BANK1: variants seen among roughly 807,000 people sequenced by gnomAD.
BANK1 encodes the protein B cell scaffold protein with ankyrin repeats 1, also known as B-cell scaffold protein with ankyrin repeats.
BANK1 carries 95 observed loss-of-function variants against 94.5 expected under a neutral mutation model. That is an observed-to-expected ratio of 1.00 (90% confidence interval 0.85 to 1.19). The LOEUF is 1.19. Ranked by LOEUF, BANK1 falls within the 50% of genes most tolerant of loss-of-function variation. The pLI is 0.00. For synonymous variants in BANK1, 334 were observed against 308.4 expected (o/e 1.08, Z -0.87); for missense variants, 987 against 932.2 (o/e 1.06, Z -0.77).
At chr4:102,044,889 T>G in intron 11 of BANK1, among the ~76,000 whole-genome samples, 1 of 128,664 alleles carries the variant, frequency 7.8e-6, no homozygotes, top group African/African-American at 3.0e-5. Context: ...GTTTGTTTTT[T>G]TCTTGTAAAT....
chr4:101,840,363 T>A (rs1307045672), intron 2 of BANK1, among the ~76,000 whole-genome samples: 4 of 152,190 alleles, frequency 2.6e-5, no homozygotes, highest in Non-Finnish European at 4.4e-5. Flanking sequence ...GAAAAAAATA[T>A]ATTTTTGTTG....
At chr4:102,010,492 CA>C (rs1726473014) in intron 7 of BANK1, among the ~76,000 whole-genome samples, 1 of 150,264 alleles carries the variant, frequency 6.7e-6, no homozygotes, top group Admixed American at 6.6e-5. Flanking sequence ...TCCCGGGTTC[CA>C]GCAACTCTCC....
At position 101,876,841 on chromosome 4, in the gene BANK1, A is replaced by G. The variant is rs566664267; in HGVS notation, c.903+6197A>G. On this transcript the variant is annotated intron_variant, in intron 5 of 16. Coordinates refer to ENST00000322953, the MANE Select transcript of BANK1 (RefSeq NM_017935.5). ...AAGAATTCTGTCAGAGAAATTTAAT[A>G]AATAGATTCAAATAATGAAAAAGAG... Among the ~76,000 whole-genome samples the G allele has an allele frequency of 3.9e-5, 6 of 152,282 alleles. No individual in the cohort carries two copies. In the East Asian group the frequency reaches 1.2e-3, roughly 29 times the overall value.
At position 101,830,167 on chromosome 4, in the gene BANK1, G is replaced by T. The variant is rs1238603548; in HGVS notation, c.430G>T (p.Glu144Ter). Reference protein sequence around the residue: ...RWEISTEQEPEDYISVIQSII... With the variant: ...RWEISTEQEP ...GGAGATCTCAACTGAACAGGAACCT[G>T]AAGACTACATCTCTGTAATCCAGAG... Residue 144 changes from glutamate (E) to a stop codon, truncating the protein, a stop_gained, in exon 2 of 17, where the codon GAA becomes TAA. Transcript: ENST00000322953. LOFTEE classifies it high-confidence loss of function. 6 of 1,591,898 alleles carry T rather than the reference G, an allele frequency of 3.8e-6. No homozygotes were observed. The highest frequency in any genetic ancestry group is 5.1e-6 in the Non-Finnish European group (6 of 1,172,374).
chr4:101,862,573 T>A lies in BANK1; in HGVS notation c.672T>A (p.Asp224Glu). 6.2e-7 allele frequency: 1 copy of A among 1,610,836 alleles called. No homozygotes were observed. The highest frequency in any genetic ancestry group is 8.5e-7 in the Non-Finnish European group (1 of 1,178,036). The change falls in exon 4 of 17, where the codon GAT becomes GAA. Residue 224 changes from aspartate (D) to glutamate (E), a missense_variant. Transcript: ENST00000322953. Reference sequence around the variant, plus strand: ...TTTTGAGAGATGAAGTAATTGGTGATACTGTAGAGGTTGAATTTACATCAA... The same window carrying A: ...TTTTGAGAGATGAAGTAATTGGTGAAACTGTAGAGGTTGAATTTACATCAA... ...FIILRDEVIG[D>E]TVEVEFTSSN...
intron 5 of BANK1, among the ~76,000 whole-genome samples, chr4:101,889,410 A>G (rs1721762937): frequency 6.6e-6 from 1 of 151,868 alleles, no homozygotes; most frequent in African/African-American, 2.4e-5. Context: ...CATCCTGGCT[A>G]ACAAGGTGAA....
At chr4:101,855,010 T>C in intron 2 of BANK1, 25 bp from the exon 3 acceptor site, 2 of 1,566,636 alleles carry the variant, frequency 1.3e-6, no homozygotes, top group Non-Finnish European at 1.8e-6. Flanking sequence ...TATATTATAA[T>C]CTACATTCAT....
At chr4:102,031,295 T>G (rs1231442003) in intron 10 of BANK1, among the ~76,000 whole-genome samples, 1 of 152,154 alleles carries the variant, frequency 6.6e-6, no homozygotes, top group African/African-American at 2.4e-5. Context: ...GGGTTGTTTT[T>G]TCTTGTAAAT....
chr4:101,950,173 T>C (rs926749772), intron 7 of BANK1, among the ~76,000 whole-genome samples: 1 of 152,150 alleles, frequency 6.6e-6, no homozygotes, highest in African/African-American at 2.4e-5. Context: ...TAAAGTTAGC[T>C]GAAGGATATG....
chr4:101,973,940 A>G, intron 7 of BANK1, among the ~76,000 whole-genome samples: 1 of 152,062 alleles, frequency 6.6e-6, no homozygotes, highest in Non-Finnish European at 1.5e-5. Context: ...TTAAAAAGTG[A>G]TATTCCAATT....
chr4:102,012,800 G>T (rs1032725333), intron 7 of BANK1, among the ~76,000 whole-genome samples: 1 of 151,474 alleles, frequency 6.6e-6, no homozygotes, highest in Non-Finnish European at 1.5e-5. Flanking sequence ...TCTTTGACCC[G>T]TAATCAAATT....
rs138536283 is a variant in BANK1 at position 101,847,929 on chromosome 4, T to C, written c.470-7106T>C. ...CAAAGTTCAGCTAGAGAATTCCTTC[T>C]CCCTGTGGAGTTTTACCCCCTGCTC... On this transcript the variant is annotated intron_variant, in intron 2 of 16. Coordinates refer to ENST00000322953, the MANE Select transcript of BANK1 (RefSeq NM_017935.5). Among the ~76,000 whole-genome samples, 897 of 152,268 alleles carry C rather than the reference T, an allele frequency of 5.9e-3. 10 individuals are homozygous for C. The highest frequency in any genetic ancestry group is 0.02 in the African/African-American group (827 of 41,548).
At chr4:101,895,261 A>T in intron 5 of BANK1, 44 bp from the exon 6 acceptor site, 2 of 1,137,092 alleles carry the variant, frequency 1.8e-6, no homozygotes, top group Non-Finnish European at 2.5e-6. Context: ...GTTTCTATGT[A>T]AATAATTAAC....
At chr4:102,043,731 G>C (rs1369484013) in intron 10 of BANK1, 108 bp from the exon 11 acceptor site, 1 of 610,834 alleles carries the variant, frequency 1.6e-6, no homozygotes. Flanking sequence ...TTCAGGAACT[G>C]ATACTCAGGA....
chr4:101,912,415 A>G (rs1722692234), intron 6 of BANK1, among the ~76,000 whole-genome samples: 1 of 151,934 alleles, frequency 6.6e-6, no homozygotes, highest in Non-Finnish European at 1.5e-5. Context: ...TCTGTAAGTT[A>G]TGGTTTGCCA....
intron 11 of BANK1, among the ~76,000 whole-genome samples, chr4:102,048,116 T>A (rs1242542767): frequency 6.6e-6 from 1 of 152,194 alleles, no homozygotes; most frequent in African/African-American, 2.4e-5. Flanking sequence ...TGTACATACT[T>A]AAATACAACT....
chr4:101,832,481 A>G (rs1726658610), intron 2 of BANK1, among the ~76,000 whole-genome samples: 1 of 152,062 alleles, frequency 6.6e-6, no homozygotes, highest in South Asian at 2.1e-4. Flanking sequence ...AATCCCTTTG[A>G]GTCTATTAAT....
intron 7 of BANK1, among the ~76,000 whole-genome samples, chr4:101,938,048 A>G (rs1251654112): frequency 2.0e-5 from 3 of 151,436 alleles, no homozygotes; most frequent in Admixed American, 6.6e-5. Flanking sequence ...ATGAGAACAC[A>G]TGGACACAGG....
chr4:101,901,783 CAG>C (rs1722295035), intron 6 of BANK1, among the ~76,000 whole-genome samples: 2 of 151,002 alleles, frequency 1.3e-5, no homozygotes, highest in African/African-American at 4.9e-5. Flanking sequence ...TTTTTTGAAA[CAG>C]AGTCTTGCTC....
Sources: allele counts gnomAD v4.1 joint callset (sites outside exome capture counted in the v4.1 genomes callset), GRCh38; gene constraint gnomAD v4.1.1; transcripts MANE v1.5; gene names NCBI Gene and HGNC (gene_info 2026-07-23, HGNC 2026-07-21).